Variants in TAP1 observed in about 807,000 individuals in gnomAD.
TAP1 encodes the protein antigen peptide transporter 1.
TAP1 carries 56 observed loss-of-function variants against 79.3 expected under a neutral mutation model. That is an observed-to-expected ratio of 0.71 (90% CI 0.57 to 0.88). The LOEUF (loss-of-function observed/expected upper bound fraction) is 0.88. TAP1 is among the 40% of genes least tolerant of loss of function. The probability of loss-of-function intolerance (pLI) is 0.00; values close to 1 mark genes in which losing one functional copy is unlikely to be tolerated. For missense variants in TAP1, 737 were observed against 936.3 expected (o/e 0.79, Z 2.78); for synonymous variants, 355 against 401.4 (o/e 0.88, Z 1.38).
In TAP1 at chr6:32,847,800, C is replaced by T. The variant is rs1562365152; in HGVS notation, c.1740+119G>A. The T allele has an allele frequency of 2.6e-6, 4 of 1,564,620 alleles. No homozygotes were observed. The highest frequency in any genetic ancestry group is 3.5e-4 in the Middle Eastern group (2 of 5,794). ...AATCATACTACCTCCCTCCTGACTA[C>T]ACCACCATCTCCACCCAAGGTCTCT... is the stretch of plus-strand genomic sequence containing the variant. On this transcript the variant is annotated intron_variant, in intron 8 of 10. Transcript: ENST00000354258. The surrounding 1 kb of genome is among the most constrained non-coding windows in gnomAD (Gnocchi z 4.7).
At chr6:32,848,304 C>A in intron 7 of TAP1, 2 of 648,410 alleles carry the variant, frequency 3.1e-6, no homozygotes, top group Non-Finnish European at 5.3e-6. Context: ...AGACCCAGCA[C>A]CACTATGCCA....
In TAP1 at chr6:32,847,696, G is replaced by C. The variant is rs756413687; in HGVS notation, c.1741-21C>G. 2 of 1,612,368 alleles carry C rather than the reference G, an allele frequency of 1.2e-6. No individual in the cohort carries two copies. The highest frequency in any genetic ancestry group is 1.7e-6 in the Non-Finnish European group (2 of 1,179,194). On this transcript the variant is annotated intron_variant, in intron 8 of 10. Transcript: ENST00000354258. This position sits in a 1 kb window ranked among gnomAD's most constrained non-coding sequence, Gnocchi z 4.7. Reference sequence around the variant, plus strand: ...GCCACCTGAGATGAAATATGATGAAGAGTCATAGAACAAGGCACATGGGAG... The same window carrying C: ...GCCACCTGAGATGAAATATGATGAACAGTCATAGAACAAGGCACATGGGAG...
rs768803391 is a variant in TAP1 at position 32,852,997 on chromosome 6, A to G, written c.598+42T>C. ...GACAATTACCTTTGATTCCTGTCCC[A>G]GTCCCCTTGTGTCCTCCCCTCTTGC... On this transcript the variant is annotated intron_variant, in intron 1 of 10. Transcript: ENST00000354258. The surrounding 1 kb of genome is among the most constrained non-coding windows in gnomAD (Gnocchi z 4.8). 1 of 1,578,150 alleles carries G rather than the reference A, an allele frequency of 6.3e-7. No individual in the cohort carries two copies. Among genetic ancestry groups the G allele is most frequent in the Non-Finnish European group, 8.6e-7 (1 of 1,165,790 alleles).
At position 32,853,334 on chromosome 6, in the gene TAP1, C is replaced by A; in HGVS notation, c.303G>T (p.Ala101=). Residue 101 remains alanine (A), a synonymous_variant, in exon 1 of 11, where the codon GCG becomes GCT. Coordinates refer to ENST00000354258, the MANE Select transcript of TAP1 (RefSeq NM_000593.6). This position sits in a 1 kb window ranked among gnomAD's most constrained non-coding sequence, Gnocchi z 8.3. ...GTCCCGGCAGGGCCAAGCCCAGTGC[C>A]GCAGCTAATGGCTTCAAAGCAGCCA... ...GWLAALKPLA[A]ALGLALPGLA... The A allele has an allele frequency of 6.3e-7, 1 of 1,581,962 alleles. No individual in the cohort carries two copies. Among genetic ancestry groups the A allele is most frequent in the East Asian group, 2.3e-5 (1 of 43,378 alleles).
At position 32,853,505 on chromosome 6, in the gene TAP1, G is replaced by A. The variant is rs146439115; in HGVS notation, c.132C>T (p.Phe44=). 9.3e-6 allele frequency: 15 copies of A among 1,609,720 alleles called. No homozygotes were observed. The African/African-American group carries it at 1.7e-4, about 19-fold the overall frequency. ...GCAGCGCGGTGGGCACCAGCAGGGA[G>A]AATATGCGGGGCAGCGCGGTCCGGA... ...VLLRTALPRI[F]SLLVPTALPL... is the part of the protein sequence containing the mutation. Residue 44 remains phenylalanine (F), a synonymous_variant, in exon 1 of 11, where the codon TTC becomes TTT. Transcript: ENST00000354258. This position sits in a 1 kb window ranked among gnomAD's most constrained non-coding sequence, Gnocchi z 8.3.
At chr6:32,848,120 A>G (rs762646731) in intron 7 of TAP1, 28 bp from the exon 8 acceptor site, 1 of 1,567,920 alleles carries the variant, frequency 6.4e-7, no homozygotes, top group Non-Finnish European at 8.6e-7. Context: ...ACACGATAAG[A>G]GGCTACCAAG....
chr6:32,845,910 CCAA>C lies in TAP1; in HGVS notation c.2041-128_2041-126del, dbSNP rs763853231. The C allele has an allele frequency of 5.3e-6, 4 of 751,218 alleles. No individual in the cohort carries two copies. Among genetic ancestry groups the C allele is most frequent in the Non-Finnish European group, 9.2e-6 (4 of 433,640 alleles). 46.5% of individuals were successfully genotyped at this position (751,218 alleles called of 1,614,324 possible). A position where few individuals can be genotyped will look rare whatever the true frequency, so the allele number is the denominator to read the frequency against. On this transcript the variant is annotated intron_variant, in intron 10 of 10. Transcript: ENST00000354258. The surrounding 1 kb of genome is among the most constrained non-coding windows in gnomAD (Gnocchi z 4.5). ...GGCTCTGCTAACAACCCCAAGGACA[CCAA>C]CGTTTCCCATTCTGAGTACTTCTCC...
In TAP1 at chr6:32,853,656, C is replaced by G. The variant is rs113585939; in HGVS notation, c.-20G>C. 6.9e-6 allele frequency: 11 copies of G among 1,601,300 alleles called. No homozygotes were observed. Among genetic ancestry groups the G allele is most frequent in the Middle Eastern group, 1.7e-4 (1 of 6,060 alleles). On this transcript the variant is annotated 5_prime_UTR_variant, in exon 1 of 11. Coordinates refer to ENST00000354258, the MANE Select transcript of TAP1 (RefSeq NM_000593.6). This position sits in a 1 kb window ranked among gnomAD's most constrained non-coding sequence, Gnocchi z 8.3. ...AGCCATTGGCACTCGGACGCCGTCC[C>G]GGTCCCGGCCGGGCCTGGGACTCTC...
At chr6:32,848,506 T>A in intron 7 of TAP1, 146 bp downstream of exon 7, 1 of 985,912 alleles carries the variant, frequency 1.0e-6, no homozygotes, top group South Asian at 1.3e-5. Context: ...TGGGGAAGAT[T>A]TATGGAACAG....
At position 32,852,550 on chromosome 6, in the gene TAP1, G is replaced by A; in HGVS notation, c.599-48C>T. ...ACGCACAAATATTAAGTCTAAGTAG[G>A]TCAGTTCCAGTCAGACTGGCCCCAC... On this transcript the variant is annotated intron_variant, in intron 1 of 10. Coordinates refer to ENST00000354258, the MANE Select transcript of TAP1 (RefSeq NM_000593.6). This position sits in a 1 kb window ranked among gnomAD's most constrained non-coding sequence, Gnocchi z 4.8. 6.2e-7 allele frequency: 1 copy of A among 1,607,866 alleles called. No homozygotes were observed. The highest frequency in any genetic ancestry group is 2.2e-5 in the East Asian group (1 of 44,626).
Position 32,848,081 on chromosome 6 carries a change from G to C in TAP1, c.1578C>G (p.Phe526Leu). 6.2e-7 allele frequency: 1 copy of C among 1,606,034 alleles called. No individual in the cohort carries two copies. Among genetic ancestry groups the C allele is most frequent in the South Asian group, 1.1e-5 (1 of 90,222 alleles). Residue 526 changes from phenylalanine (F) to leucine (L), a missense_variant, in exon 8 of 11, where the codon TTC (phenylalanine) becomes TTG (leucine). Around this residue, in one of 5 missense-constraint regions of TAP1, gnomAD observed 266 missense variants for 332.4 expected, o/e 0.80. Transcript: ENST00000354258. ...PDVLVLQGLT[F>L]TLRPGEVTAL... ...CCGTCACCTCGCCAGGGCGTAGGGT[G>C]AATGTCAGCCCCTAGAGGCCAGAGA...
At position 32,848,064 on chromosome 6, in the gene TAP1, T is replaced by C. The variant is rs1358845073; in HGVS notation, c.1595A>G (p.Glu532Gly). Residue 532 changes from glutamate (E) to glycine (G), a missense_variant, in exon 8 of 11, where the codon GAG becomes GGG. By Grantham distance (98) the Glu-to-Gly change is moderately conservative. Coordinates refer to ENST00000354258, the MANE Select transcript of TAP1 (RefSeq NM_000593.6). Reference protein sequence around the residue: ...QGLTFTLRPGEVTALVGPNGS... With the variant: ...QGLTFTLRPGGVTALVGPNGS... Reference sequence around the variant, plus strand: ...ATTGGGTCCCACCAGCGCCGTCACCTCGCCAGGGCGTAGGGTGAATGTCAG... The same window carrying C: ...ATTGGGTCCCACCAGCGCCGTCACCCCGCCAGGGCGTAGGGTGAATGTCAG... 6.2e-7 allele frequency: 1 copy of C among 1,611,658 alleles called. No individual in the cohort carries two copies. The highest frequency in any genetic ancestry group is 2.2e-5 in the East Asian group (1 of 44,830).
At position 32,851,889 on chromosome 6, in the gene TAP1, C is replaced by G. The variant is rs911289956; in HGVS notation, c.844+220G>C. ...ACAATATTTTGCTCCTGAGGTATAT[C>G]AAGAATGAGAAAAACAATTGTGTGT... On this transcript the variant is annotated intron_variant, in intron 3 of 10. Coordinates refer to ENST00000354258, the MANE Select transcript of TAP1 (RefSeq NM_000593.6). The surrounding 1 kb of genome is among the most constrained non-coding windows in gnomAD (Gnocchi z 4.8). Among the ~76,000 whole-genome samples the G allele has an allele frequency of 6.7e-6, 1 of 148,656 alleles. No individual in the cohort carries two copies. Among genetic ancestry groups the G allele is most frequent in the Non-Finnish European group, 1.5e-5 (1 of 67,284 alleles).
chr6:32,847,111 A>T lies in TAP1; in HGVS notation c.1997T>A (p.Leu666Gln). The change falls in exon 10 of 11, where the codon CTG becomes CAG. Residue 666 changes from leucine to glutamine, a missense_variant. Coordinates refer to ENST00000354258, the MANE Select transcript of TAP1 (RefSeq NM_000593.6). The surrounding 1 kb of genome is among the most constrained non-coding windows in gnomAD (Gnocchi z 4.7). ...ALIRKPCVLILDDATSALDAN... is the reference protein window; with the variant it reads ...ALIRKPCVLIQDDATSALDAN... ...ATCCAGGGCACTGGTGGCATCATCC[A>T]GGATAAGTACACACGGTTTCCGGAT... is the stretch of plus-strand genomic sequence containing the variant. The T allele has an allele frequency of 6.2e-7, 1 of 1,613,034 alleles. No individual in the cohort carries two copies. Among genetic ancestry groups the T allele is most frequent in the Non-Finnish European group, 8.5e-7 (1 of 1,180,046 alleles).
chr6:32,847,550 A>G lies in TAP1; in HGVS notation c.1866T>C (p.His622=), dbSNP rs1175099283. 8 of 1,613,946 alleles carry G rather than the reference A, an allele frequency of 5.0e-6. No individual in the cohort carries two copies. The highest frequency in any genetic ancestry group is 2.2e-5 in the South Asian group (2 of 91,062). Residue 622 remains histidine, a synonymous_variant, in exon 9 of 11, where the codon CAT becomes CAC. Coordinates refer to ENST00000354258, the MANE Select transcript of TAP1 (RefSeq NM_000593.6). The surrounding 1 kb of genome is among the most constrained non-coding windows in gnomAD (Gnocchi z 4.7). ...ITAAAVKSGA[H]SFISGLPQGY... ...CCTGAGGGAGTCCAGAGATGAAACTATGGGCCCCAGACTTTACTGCAGCAG... is the reference window on the plus strand; with the variant it reads ...CCTGAGGGAGTCCAGAGATGAAACTGTGGGCCCCAGACTTTACTGCAGCAG...
Position 32,850,308 on chromosome 6 carries a change from T to C in TAP1, c.1248+12A>G. On this transcript the variant is annotated intron_variant, in intron 5 of 10. Coordinates refer to ENST00000354258, the MANE Select transcript of TAP1 (RefSeq NM_000593.6). The surrounding 1 kb of genome is among the most constrained non-coding windows in gnomAD (Gnocchi z 5.5). ...AGGACAAGGGAATGGGTATTCATCT[T>C]CAGGTGCTCACACTAGTGGTCCAGG... 1 of 1,613,904 alleles carries C rather than the reference T, an allele frequency of 6.2e-7. No individual in the cohort carries two copies. The highest frequency in any genetic ancestry group is 8.5e-7 in the Non-Finnish European group (1 of 1,179,754).
intron 10 of TAP1, chr6:32,846,038 A>G: frequency 1.7e-6 from 1 of 580,574 alleles, no homozygotes; most frequent in South Asian, 2.0e-5. Context: ...AAGAATAAAG[A>G]CTATTGAATA....
chr6:32,851,017 G>C lies in TAP1; in HGVS notation c.977C>G (p.Ser326Cys). 6.2e-7 allele frequency: 1 copy of C among 1,612,974 alleles called. No homozygotes were observed. The highest frequency in any genetic ancestry group is 8.5e-7 in the Non-Finnish European group (1 of 1,179,998). ...LLGIMLWGSV[S>C]LTMVTLITLP... ...GGTGATCAGGGTGACCATGGTGAGG[G>C]ACACTGATCCCCAGAGCATGATCCC... The change falls in exon 4 of 11, where the codon TCC (serine) becomes TGC (cysteine). Residue 326 changes from serine (S) to cysteine (C), a missense_variant. Physicochemically the swap from Ser to Cys is moderately radical, Grantham distance 112. Around this residue, in one of 5 missense-constraint regions of TAP1, gnomAD observed 406 missense variants for 477.2 expected, o/e 0.85. Coordinates refer to ENST00000354258, the MANE Select transcript of TAP1 (RefSeq NM_000593.6). The surrounding 1 kb of genome is among the most constrained non-coding windows in gnomAD (Gnocchi z 4.8).
In TAP1 at chr6:32,845,890, T is replaced by G; in HGVS notation, c.2041-105A>C. 1.1e-6 allele frequency: 1 copy of G among 939,660 alleles called. No homozygotes were observed. Among genetic ancestry groups the G allele is most frequent in the South Asian group, 1.4e-5 (1 of 72,846 alleles). 58.2% of individuals were successfully genotyped at this position (939,660 alleles called of 1,614,324 possible). ...GACCTCACAGGATCACTGCTGGCTC[T>G]GCTAACAACCCCAAGGACACCAACG... On this transcript the variant is annotated intron_variant, in intron 10 of 10. Coordinates refer to ENST00000354258, the MANE Select transcript of TAP1 (RefSeq NM_000593.6). The surrounding 1 kb of genome is among the most constrained non-coding windows in gnomAD (Gnocchi z 4.5).
Sources: gnomAD v4.1 joint callset for allele counts (sites outside exome capture counted in the v4.1 genomes callset) on GRCh38, gnomAD v4.1.1 for gene constraint, gnomAD v4.1.1 regional missense constraint, Gnocchi (gnomAD v3.1) non-coding constraint, MANE v1.5 for transcripts, NCBI Gene and HGNC (gene_info 2026-07-23, HGNC 2026-07-21) for gene names.